Variants in NEIL3 observed in about 807,000 individuals in gnomAD.
NEIL3 encodes nei like DNA glycosylase 3.
A neutral mutation model predicts 57.5 loss-of-function variants in NEIL3; 48 were observed. The ratio of observed to expected loss-of-function variants is 0.83; its 90% CI spans 0.66 to 1.06. The LOEUF is 1.06. NEIL3 is among the 50% of genes least tolerant of loss of function. The pLI is 0.00. For synonymous variants in NEIL3, 261 were observed against 253.2 expected (o/e 1.03, Z -0.29); for missense variants, 717 against 739.1 (o/e 0.97, Z 0.35).
Position 177,339,818 on chromosome 4 carries a change from C to T in NEIL3, c.663C>T (p.Leu221=). 1 of 1,613,858 alleles carries T rather than the reference C, an allele frequency of 6.2e-7. No individual in the cohort carries two copies. Among genetic ancestry groups the T allele is most frequent in the South Asian group, 1.1e-5 (1 of 91,070 alleles). The stretch of plus-strand genomic sequence containing the variant: ...TAACAGATGAACAGATCCATCACCT[C>T]ATGAAAATGATACGTGATTTCAGCA... ...CQLTDEQIHH[L]MKMIRDFSIL... Residue 221 remains leucine (L), a synonymous_variant, in exon 5 of 10, where the codon CTC becomes CTT. Transcript: ENST00000264596.
chr4:177,324,430 G>T lies in NEIL3; in HGVS notation c.278+1850G>T, dbSNP rs1371587338. On this transcript the variant is annotated intron_variant, in intron 2 of 9. Transcript: ENST00000264596. The stretch of plus-strand genomic sequence containing the variant: ...TGGTTGAATCTCCTGGGATTCATTT[G>T]TTAATGAAAGTAGAATACGAGCATA... 3.3e-5 allele frequency among the ~76,000 whole-genome samples: 5 copies of T among 152,246 alleles called. No homozygotes were observed. In the East Asian group the frequency reaches 9.6e-4, roughly 29 times the overall value.
At chr4:177,365,903 A>G (rs1735686796), downstream of NEIL3, among the ~76,000 whole-genome samples, 1 of 152,218 alleles carries the variant, frequency 6.6e-6, no homozygotes, top group East Asian at 1.9e-4. Flanking sequence ...TATACTATTC[A>G]GGATACAGTC....
At chr4:177,351,274 T>TCC (rs1735345270) in intron 6 of NEIL3, 106 bp from the exon 7 acceptor site, 1 of 288,598 alleles carries the variant, frequency 3.5e-6, no homozygotes, top group Non-Finnish European at 5.8e-6. Context: ...CAAGCAATAA[T>TCC]AAAGAGATAG....
intron 1 of NEIL3, among the ~76,000 whole-genome samples, chr4:177,320,463 T>C (rs1734656498): frequency 9.3e-6 from 1 of 108,038 alleles, no homozygotes; most frequent in African/African-American, 3.6e-5. Context: ...AAGTGACTGC[T>C]GTCTTTTTTT....
At chr4:177,327,435 A>T (rs1383852336) in intron 2 of NEIL3, among the ~76,000 whole-genome samples, 1 of 152,152 alleles carries the variant, frequency 6.6e-6, no homozygotes, top group Non-Finnish European at 1.5e-5. Flanking sequence ...AAAAAAATTT[A>T]CTTCAAGTTC....
downstream of NEIL3, among the ~76,000 whole-genome samples, chr4:177,366,494 G>T (rs889923187): frequency 6.6e-6 from 1 of 152,156 alleles, no homozygotes; most frequent in Non-Finnish European, 1.5e-5. Context: ...CGCTTCCTGG[G>T]TTCAACCGAT....
intron 9 of NEIL3, 134 bp from the exon 10 acceptor site, chr4:177,362,155 G>A (rs1314391758): frequency 4.0e-6 from 2 of 504,490 alleles, no homozygotes; most frequent in Non-Finnish European, 6.6e-6. Context: ...ACTAATTACT[G>A]GTCTATTTTA....
At chr4:177,322,383 T>C in intron 1 of NEIL3, 76 bp from the exon 2 acceptor site, 1 of 1,586,724 alleles carries the variant, frequency 6.3e-7, no homozygotes, top group South Asian at 1.1e-5. Context: ...TATAAACACA[T>C]TTAAGAATTA....
chr4:177,325,878 C>G (rs1734770991), intron 2 of NEIL3, among the ~76,000 whole-genome samples: 1 of 151,728 alleles, frequency 6.6e-6, no homozygotes, highest in African/African-American at 2.4e-5. Context: ...TAATGTTTTC[C>G]TTTTTTATTG....
intron 3 of NEIL3, 110 bp from the exon 4 acceptor site, chr4:177,335,998 T>A: frequency 9.6e-7 from 1 of 1,040,946 alleles, no homozygotes; most frequent in Non-Finnish European, 1.4e-6. Context: ...CATATGTAAC[T>A]CTTATACCCT....
At chr4:177,358,369 G>A (rs766444888) in intron 8 of NEIL3, among the ~76,000 whole-genome samples, 8 of 151,974 alleles carry the variant, frequency 5.3e-5, no homozygotes, top group Non-Finnish European at 8.8e-5. Flanking sequence ...GTGCAATGGC[G>A]CGATCTCAGC....
intron 4 of NEIL3, among the ~76,000 whole-genome samples, chr4:177,338,822 C>T (rs1735028236): frequency 6.6e-6 from 1 of 151,972 alleles, no homozygotes; most frequent in Non-Finnish European, 1.5e-5. Flanking sequence ...GCCTATTTTC[C>T]CTTCCCTTCT....
intron 5 of NEIL3, among the ~76,000 whole-genome samples, chr4:177,341,250 G>A (rs1735084834): frequency 6.6e-6 from 1 of 152,086 alleles, no homozygotes; most frequent in Non-Finnish European, 1.5e-5. Flanking sequence ...GAATACTAAT[G>A]TCATTAAATA....
chr4:177,328,364 C>T (rs1377137729), intron 2 of NEIL3, among the ~76,000 whole-genome samples: 1 of 152,076 alleles, frequency 6.6e-6, no homozygotes, highest in Non-Finnish European at 1.5e-5. Context: ...GCTAAAAGAG[C>T]CTCAAACCAA....
At chr4:177,310,196 T>G in intron 1 of NEIL3, 87 bp downstream of exon 1, 1 of 1,330,218 alleles carries the variant, frequency 7.5e-7, no homozygotes, top group South Asian at 1.7e-5. Flanking sequence ...TAAAGTGTCA[T>G]CTCTTTGCTC....
chr4:177,353,890 C>T (rs1453677336), intron 8 of NEIL3, 162 bp downstream of exon 8: 5 of 630,068 alleles, frequency 7.9e-6, no homozygotes, highest in Non-Finnish European at 1.4e-5. Context: ...CTCAGCCTCC[C>T]AAGTAGCTGA....
rs769095488 is a variant in NEIL3, at chr4:177,322,444, T to A, written c.157-15T>A. 5 of 1,613,702 alleles carry A rather than the reference T, an allele frequency of 3.1e-6. No individual in the cohort carries two copies. The highest frequency in any genetic ancestry group is 1.7e-5 in the Admixed American group (1 of 59,990). ...GTGTGTGTGTGCTTATGTGTGTACATGTATTTTCCACTAGGCTGCTGCACT... is the reference window on the plus strand; with the variant it reads ...GTGTGTGTGTGCTTATGTGTGTACAAGTATTTTCCACTAGGCTGCTGCACT... On this transcript the variant is annotated splice_polypyrimidine_tract_variant and intron_variant, in intron 1 of 9. Coordinates refer to ENST00000264596, the MANE Select transcript of NEIL3 (RefSeq NM_018248.3).
chr4:177,321,970 C>T (rs540978555), intron 1 of NEIL3, among the ~76,000 whole-genome samples: 46 of 152,254 alleles, frequency 3.0e-4, no homozygotes, highest in African/African-American at 1.1e-3. Context: ...AGTTTTTGAC[C>T]TTTTATTATT....
At position 177,322,465 on chromosome 4, in the gene NEIL3, G is replaced by T; in HGVS notation, c.163G>T (p.Ala55Ser). The change falls in exon 2 of 10, where the codon GCA becomes TCA. Residue 55 changes from alanine to serine, a missense_variant. Coordinates refer to ENST00000264596, the MANE Select transcript of NEIL3 (RefSeq NM_018248.3). ...STVVVSPQAA[A>S]LNNDSSQNVL... ...TACATGTATTTTCCACTAGGCTGCT[G>T]CACTGAATAATGATTCCAGCCAGAA... 4 of 1,613,914 alleles carry T rather than the reference G, an allele frequency of 2.5e-6. No homozygotes were observed. The highest frequency in any genetic ancestry group is 3.4e-6 in the Non-Finnish European group (4 of 1,179,848).
Sources: gnomAD v4.1 joint callset for allele counts (sites outside exome capture counted in the v4.1 genomes callset) on GRCh38, gnomAD v4.1.1 for gene constraint, MANE v1.5 for transcripts, NCBI Gene and HGNC (gene_info 2026-07-23, HGNC 2026-07-21) for gene names.